KIRREL2: variants seen among roughly 807,000 people sequenced by gnomAD.
The protein encoded by KIRREL2 is kin of IRRE-like protein 2.
In KIRREL2, 56 loss-of-function variants were observed where a neutral mutation model predicts 73.4. The observed-to-expected ratio is 0.76, with a 90% CI of 0.62 to 0.95. KIRREL2 has a LOEUF of 0.95. Among genes scored for constraint, KIRREL2 ranks in the 40% least tolerant of loss-of-function variants. The pLI is 0.00. For synonymous variants in KIRREL2, 407 were observed against 404.0 expected (o/e 1.01, Z -0.09); for missense variants, 896 against 935.0 (o/e 0.96, Z 0.54).
chr19:35,861,750 G>C, intron 10 of KIRREL2, 55 bp from the exon 11 acceptor site: 1 of 1,588,650 alleles, frequency 6.3e-7, no homozygotes. Context: ...CATCCCTCCT[G>C]CTTCTTCCTC....
upstream of KIRREL2, among the ~76,000 whole-genome samples, chr19:35,853,837 ATTTTTT>A (rs759219505): frequency 1.4e-5 from 1 of 69,430 alleles, no homozygotes; most frequent in East Asian, 4.1e-4. Context: ...CACTCTGGCT[ATTTTTT>A]TTTTTTTTTT....
chr19:35,866,594 C>A lies in KIRREL2; in HGVS notation c.*102C>A, dbSNP rs546959984. The A allele has an allele frequency of 2.0e-6, 3 of 1,516,542 alleles. No individual in the cohort carries two copies. Among genetic ancestry groups the A allele is most frequent in the Admixed American group, 3.7e-5 (2 of 53,358 alleles). The allele number at this position is 1,516,542 out of a possible 1,614,324, so 93.9% of individuals were successfully genotyped here. A position where few individuals can be genotyped will look rare whatever the true frequency, so the allele number is the denominator to read the frequency against. ...AGTTGGCGACCTTACTCCTCCAAAACTGAACACAAGGGGAGGGAAAGATCA... is the reference window on the plus strand; with the variant it reads ...AGTTGGCGACCTTACTCCTCCAAAAATGAACACAAGGGGAGGGAAAGATCA... On this transcript the variant is annotated 3_prime_UTR_variant, in exon 15 of 15. Transcript: ENST00000360202.
chr19:35,861,339 T>G, intron 9 of KIRREL2, 85 bp downstream of exon 9: 3 of 1,500,732 alleles, frequency 2.0e-6, no homozygotes, highest in Non-Finnish European at 2.6e-6. Context: ...GCAGTGGGAG[T>G]GGCCTGGAAG....
intron 4 of KIRREL2, 151 bp from the exon 5 acceptor site, chr19:35,859,330 G>C (rs571484745): frequency 1.5e-6 from 1 of 688,736 alleles, no homozygotes; most frequent in Non-Finnish European, 2.4e-6. Context: ...AACATTATGA[G>C]ACTTTTTTGT....
chr19:35,851,482 G>GT (rs386833914), upstream of KIRREL2: 1 of 1,613,590 alleles, frequency 6.2e-7, no homozygotes, highest in Non-Finnish European at 8.5e-7. Flanking sequence ...CTTCCAGGCG[G>GT]TACCTCGGGA....
intron 4 of KIRREL2, among the ~76,000 whole-genome samples, chr19:35,859,081 T>A (rs942964183): frequency 2.0e-5 from 3 of 152,202 alleles, no homozygotes; most frequent in African/African-American, 7.2e-5. Flanking sequence ...TTGAGTAAGT[T>A]AGTTAACCTC....
intron 14 of KIRREL2, among the ~76,000 whole-genome samples, 183 bp from the exon 15 acceptor site, chr19:35,865,974 T>A (rs1744710206): frequency 6.6e-6 from 1 of 152,086 alleles, no homozygotes; most frequent in South Asian, 2.1e-4. Flanking sequence ...ATTTGCCTCT[T>A]ATCACTGTTC....
upstream of KIRREL2, among the ~76,000 whole-genome samples, chr19:35,853,877 C>T (rs1170639531): frequency 1.7e-5 from 2 of 120,012 alleles, no homozygotes; most frequent in Admixed American, 1.1e-4. Context: ...GGGAGTCTTG[C>T]TCTGTCACCC....
intron 13 of KIRREL2, among the ~76,000 whole-genome samples, chr19:35,863,970 G>A (rs997425581): frequency 6.6e-6 from 1 of 151,350 alleles, no homozygotes. Flanking sequence ...GAGACGAGGT[G>A]TATACCGTGT....
At chr19:35,855,161 C>T (rs900758039), upstream of KIRREL2, among the ~76,000 whole-genome samples, 1 of 152,130 alleles carries the variant, frequency 6.6e-6, no homozygotes, top group African/African-American at 2.4e-5. Context: ...CCCACCTCCC[C>T]TCTCCCAACT....
At chr19:35,860,768 G>C (rs1193523684) in intron 7 of KIRREL2, 101 bp downstream of exon 7, 2 of 1,582,878 alleles carry the variant, frequency 1.3e-6, no homozygotes, top group Non-Finnish European at 1.7e-6. Context: ...GAGCGAGCGT[G>C]GGGTATTAGG....
intron 13 of KIRREL2, among the ~76,000 whole-genome samples, chr19:35,864,191 G>GTT (rs1234676220): frequency 6.6e-6 from 1 of 151,576 alleles, no homozygotes; most frequent in East Asian, 1.9e-4. Flanking sequence ...TGTTGTTGTT[G>GTT]TTGTTGTTGT....
upstream of KIRREL2, among the ~76,000 whole-genome samples, chr19:35,855,700 CACACACAT>C (rs879385213): frequency 0.016 from 2,156 of 138,410 alleles, 87 homozygotes; most frequent in East Asian, 0.11. Context: ...CACACACACA[CACACACAT>C]ACACACAGGA....
At chr19:35,864,964 C>A (rs1359534860) in intron 14 of KIRREL2, among the ~76,000 whole-genome samples, 1 of 152,042 alleles carries the variant, frequency 6.6e-6, no homozygotes, top group Admixed American at 6.5e-5. Context: ...GAGCCCCAGA[C>A]CAGGGCTCAC....
upstream of KIRREL2, chr19:35,851,921 T>A (rs545172218): frequency 1.5e-5 from 18 of 1,168,312 alleles, no homozygotes; most frequent in Admixed American, 1.6e-4. Context: ...CCTCTCTGTG[T>A]GTCTCTGCCA....
intron 9 of KIRREL2, 130 bp downstream of exon 9, chr19:35,861,384 C>G: frequency 6.8e-7 from 1 of 1,473,414 alleles, no homozygotes; most frequent in South Asian, 1.2e-5. Context: ...GAGACCGGAC[C>G]TATTGAAGGC....
At chr19:35,857,864 G>C (rs1973494482) in intron 2 of KIRREL2, among the ~76,000 whole-genome samples, 1 of 151,772 alleles carries the variant, frequency 6.6e-6, no homozygotes, top group African/African-American at 2.4e-5. Context: ...CGGGTATGGT[G>C]GTGTGCATCT....
At chr19:35,853,479 C>T (rs1170503406), upstream of KIRREL2, among the ~76,000 whole-genome samples, 1 of 152,180 alleles carries the variant, frequency 6.6e-6, no homozygotes, top group African/African-American at 2.4e-5. Context: ...ATGTCTCTCT[C>T]TCTCCCTCCC....
At chr19:35,864,582 T>A in intron 13 of KIRREL2, 66 bp from the exon 14 acceptor site, 1 of 1,377,182 alleles carries the variant, frequency 7.3e-7, no homozygotes, top group South Asian at 1.2e-5. Context: ...CTGAAGGTCC[T>A]TGGGGTCTGG....
Sources: allele counts gnomAD v4.1 joint callset (sites outside exome capture counted in the v4.1 genomes callset), GRCh38; gene constraint gnomAD v4.1.1; transcripts MANE v1.5; gene names NCBI Gene and HGNC (gene_info 2026-07-23, HGNC 2026-07-21).